Variants in FARP1 observed in about 807,000 individuals in gnomAD.
FARP1 encodes FERM, ARH/RhoGEF and pleckstrin domain protein 1.
A neutral mutation model predicts 128.8 loss-of-function variants in FARP1; 52 were observed. The observed-to-expected ratio is 0.40, with a 90% CI of 0.32 to 0.51. FARP1 has a LOEUF of 0.51. Among genes scored for constraint, FARP1 ranks in the 20% least tolerant of loss-of-function variants. The pLI is 0.45. For synonymous variants in FARP1, 580 were observed against 551.8 expected, an observed-to-expected ratio of 1.05 and a Z score of -0.72; for missense variants, 1,333 against 1,367.9, an observed-to-expected ratio of 0.97 and a Z score of 0.40.
chr13:98,307,913 C>T (rs1223799300), intron 2 of FARP1, among the ~76,000 whole-genome samples: 1 of 152,150 alleles, frequency 6.6e-6, no homozygotes, highest in Non-Finnish European at 1.5e-5. Flanking sequence ...CTTAGCAAGG[C>T]ACGCAAGATC....
At chr13:98,157,033 G>A (rs1241341718) in intron 1 of FARP1, among the ~76,000 whole-genome samples, 1 of 152,194 alleles carries the variant, frequency 6.6e-6, no homozygotes, top group East Asian at 1.9e-4. Flanking sequence ...CATTATTGAT[G>A]AGTTTAGCAT....
chr13:98,178,351 A>G (rs1428043390), intron 1 of FARP1, among the ~76,000 whole-genome samples: 1 of 152,006 alleles, frequency 6.6e-6, no homozygotes, highest in Non-Finnish European at 1.5e-5. Flanking sequence ...GTGTGCCACC[A>G]CACCCAGCTA....
At chr13:98,314,079 G>A (rs1217202358) in intron 2 of FARP1, among the ~76,000 whole-genome samples, 2 of 152,168 alleles carry the variant, frequency 1.3e-5, no homozygotes, top group Middle Eastern at 3.4e-3. Flanking sequence ...GGAGAAGAAC[G>A]TGTGTGCGGA....
chr13:98,404,007 C>T (rs1184007327), intron 13 of FARP1: 9 of 151,760 alleles, frequency 5.9e-5, no homozygotes, highest in South Asian at 3.6e-4. Context: ...TCCACCACCA[C>T]CACCACCACC....
At chr13:98,437,463 CAGAAAGCAACAGCA>C (rs976187962) in intron 19 of FARP1, among the ~76,000 whole-genome samples, 70 of 151,342 alleles carry the variant, frequency 4.6e-4, no homozygotes, top group Admixed American at 1.6e-3. Flanking sequence ...AATACATTGC[CAGAAAGCAACAGCA>C]AGAAAGCAAC....
chr13:98,435,652 G>A lies in FARP1; in HGVS notation c.2220G>A (p.Leu740=). ...TMIKMENFQK[L]HELKKDLIGI... is the part of the protein sequence containing the mutation. ...TCAAGATGGAGAATTTCCAGAAGCT[G>A]CACGAACTCAAGAAAGATTTGATTG... is the stretch of plus-strand genomic sequence containing the variant. The change falls in exon 19 of 27, where the codon CTG becomes CTA. Residue 740 remains leucine (L), a synonymous_variant. Coordinates refer to ENST00000319562, the MANE Select transcript of FARP1 (RefSeq NM_005766.4). 6.2e-7 allele frequency: 1 copy of A among 1,614,134 alleles called. No homozygotes were observed. The highest frequency in any genetic ancestry group is 8.5e-7 in the Non-Finnish European group (1 of 1,180,020).
chr13:98,368,660 C>T (rs747791172), intron 5 of FARP1, among the ~76,000 whole-genome samples: 2 of 152,228 alleles, frequency 1.3e-5, no homozygotes, highest in African/African-American at 4.8e-5. Flanking sequence ...CTGCCACTTG[C>T]TGTGACGGGC....
intron 2 of FARP1, among the ~76,000 whole-genome samples, chr13:98,262,250 G>A (rs1221870724): frequency 1.3e-5 from 2 of 151,122 alleles, no homozygotes. Context: ...GAACTCTGGA[G>A]CTCAAAGAGA....
intron 1 of FARP1, among the ~76,000 whole-genome samples, chr13:98,205,878 C>T (rs1259870167): frequency 6.6e-6 from 1 of 152,128 alleles, no homozygotes; most frequent in Non-Finnish European, 1.5e-5. Flanking sequence ...CTGCTAATGT[C>T]TTCCCATAGC....
chr13:98,160,733 G>A (rs1182745747), intron 1 of FARP1, among the ~76,000 whole-genome samples: 3 of 151,950 alleles, frequency 2.0e-5, no homozygotes, highest in African/African-American at 7.3e-5. Flanking sequence ...GTGCCATCTC[G>A]GCTCACTGCA....
At chr13:98,374,268 T>G (rs1427115220) in intron 5 of FARP1, among the ~76,000 whole-genome samples, 1 of 151,982 alleles carries the variant, frequency 6.6e-6, no homozygotes, top group Non-Finnish European at 1.5e-5. Flanking sequence ...ACAAAAAATT[T>G]TAAAAATTAG....
intron 2 of FARP1, among the ~76,000 whole-genome samples, chr13:98,315,307 A>T (rs908669337): frequency 3.3e-5 from 5 of 152,012 alleles, no homozygotes; most frequent in African/African-American, 1.2e-4. Flanking sequence ...AGATCTCACT[A>T]TATTGCCCAA....
chr13:98,365,307 A>G lies in FARP1; in HGVS notation c.277-88A>G, dbSNP rs977592528. The G allele has an allele frequency of 1.3e-4, 134 of 1,049,772 alleles. 3 individuals carry two copies. The Admixed American group carries it at 2.6e-3, about 21-fold the overall frequency. 65.0% of individuals were successfully genotyped at this position (1,049,772 alleles called of 1,614,324 possible). Reference sequence around the variant, plus strand: ...GCCTCATATCCTCAAAAATATTTTGATTTTAAACAGCTTTAAACAAAATCT... The same window carrying G: ...GCCTCATATCCTCAAAAATATTTTGGTTTTAAACAGCTTTAAACAAAATCT... On this transcript the variant is annotated intron_variant, in intron 3 of 26. Coordinates refer to ENST00000319562, the MANE Select transcript of FARP1 (RefSeq NM_005766.4).
At position 98,350,905 on chromosome 13, in the gene FARP1, C is replaced by T. The variant is rs372917458; in HGVS notation, c.276+7039C>T. On this transcript the variant is annotated intron_variant, in intron 3 of 26. Transcript: ENST00000319562. ...AGGAGGCAACAGTCACCTTCAGGGC[C>T]AGGTACCCACAACCAGAGCCAACCA... 7.9e-5 allele frequency among the ~76,000 whole-genome samples: 12 copies of T among 152,220 alleles called. No individual in the cohort carries two copies. In the East Asian group the frequency reaches 2.1e-3, roughly 27 times the overall value.
At chr13:98,171,905 C>G (rs1242800943) in intron 1 of FARP1, among the ~76,000 whole-genome samples, 2 of 152,190 alleles carry the variant, frequency 1.3e-5, no homozygotes, top group African/African-American at 2.4e-5. Flanking sequence ...TCACATTTCT[C>G]TATCTCATTT....
intron 6 of FARP1, among the ~76,000 whole-genome samples, chr13:98,378,463 GGGTGTT>G (rs1889686779): frequency 1.3e-5 from 2 of 152,084 alleles, no homozygotes; most frequent in African/African-American, 4.8e-5. Context: ...CAAGCCACCT[GGGTGTT>G]TTTTCCCTCT....
At chr13:98,277,628 C>T (rs1206044526) in intron 2 of FARP1, among the ~76,000 whole-genome samples, 1 of 152,142 alleles carries the variant, frequency 6.6e-6, no homozygotes, top group Non-Finnish European at 1.5e-5. Flanking sequence ...GGGACGCCAC[C>T]TTGAGGGTGG....
intron 24 of FARP1, among the ~76,000 whole-genome samples, chr13:98,442,976 G>C (rs762794885): frequency 6.6e-6 from 1 of 152,206 alleles, no homozygotes; most frequent in Non-Finnish European, 1.5e-5. Flanking sequence ...TGGGGTCCAG[G>C]TGGCCCAGAG....
At chr13:98,372,883 C>T (rs1015179910) in intron 5 of FARP1, among the ~76,000 whole-genome samples, 5 of 152,204 alleles carry the variant, frequency 3.3e-5, no homozygotes, top group African/African-American at 9.6e-5. Context: ...TTAGTGCTCA[C>T]CAAGTAAAAC....
Sources: allele counts gnomAD v4.1 joint callset (sites outside exome capture counted in the v4.1 genomes callset), GRCh38; gene constraint gnomAD v4.1.1; transcripts MANE v1.5; gene names NCBI Gene and HGNC (gene_info 2026-07-23, HGNC 2026-07-21).